PPP6R3: variants seen among roughly 807,000 people sequenced by gnomAD.
PPP6R3 encodes the protein protein phosphatase 6 regulatory subunit 3, also known as serine/threonine-protein phosphatase 6 regulatory subunit 3.
A neutral mutation model predicts 110.7 loss-of-function variants in PPP6R3; 38 were observed. The observed-to-expected ratio is 0.34, with a 90% confidence interval of 0.26 to 0.45. PPP6R3 has a LOEUF of 0.45. PPP6R3 is among the 20% of genes least tolerant of loss of function. The pLI is 1.00. For missense variants in PPP6R3, 870 were observed against 1,062.4 expected, an observed-to-expected ratio of 0.82 and a Z score of 2.52; for synonymous variants, 369 against 373.5, an observed-to-expected ratio of 0.99 and a Z score of 0.14.
rs182889691 is a variant in PPP6R3, at chr11:68,526,394, C to T, written c.-7+6743C>T. ...AGCTAGGACTACAGGTGTGCACCAC[C>T]ATGCCCGACTGATTTTTTGTACTTT... On this transcript the variant is annotated intron_variant, in intron 2 of 23. Transcript: ENST00000393800. Among the ~76,000 whole-genome samples the T allele has an allele frequency of 9.1e-3, 1,385 of 152,158 alleles. 17 individuals are homozygous for T. The highest frequency in any genetic ancestry group is 0.02 in the Middle Eastern group (6 of 294).
At chr11:68,472,339 C>A (rs931374504) in intron 1 of PPP6R3, among the ~76,000 whole-genome samples, 5 of 152,118 alleles carry the variant, frequency 3.3e-5, no homozygotes, top group African/African-American at 1.2e-4. Flanking sequence ...GTCTCATTTT[C>A]TTCTTTGTCC....
intron 1 of PPP6R3, among the ~76,000 whole-genome samples, chr11:68,513,436 TG>T (rs746237315): frequency 2.5e-4 from 38 of 152,152 alleles, no homozygotes; most frequent in Non-Finnish European, 4.7e-4. Flanking sequence ...AAGATAAAAA[TG>T]TTAAAGTTAA....
chr11:68,576,687 T>G (rs2099532932), intron 14 of PPP6R3, among the ~76,000 whole-genome samples: 1 of 152,238 alleles, frequency 6.6e-6, no homozygotes, highest in Non-Finnish European at 1.5e-5. Context: ...AGCATTTCCT[T>G]TTACAAGTAC....
chr11:68,466,183 T>G (rs917703234), intron 1 of PPP6R3, among the ~76,000 whole-genome samples: 3 of 152,358 alleles, frequency 2.0e-5, no homozygotes, highest in East Asian at 3.9e-4. Flanking sequence ...AGATTTTGTT[T>G]TGGCCTTTTG....
intron 13 of PPP6R3, 126 bp downstream of exon 13, chr11:68,574,350 T>C (rs927437690): frequency 3.0e-6 from 2 of 670,244 alleles, no homozygotes; most frequent in East Asian, 2.8e-5. Flanking sequence ...TGGCAAATTA[T>C]GTATTTGAAT....
At chr11:68,551,250 C>A in intron 6 of PPP6R3, 64 bp downstream of exon 6, 1 of 1,200,786 alleles carries the variant, frequency 8.3e-7, no homozygotes, top group Non-Finnish European at 1.2e-6. Flanking sequence ...GTTTATTGGG[C>A]ACAGAGCATA....
intron 8 of PPP6R3, among the ~76,000 whole-genome samples, chr11:68,559,657 A>T (rs1050034731): frequency 5.3e-5 from 8 of 152,192 alleles, no homozygotes; most frequent in African/African-American, 1.9e-4. Flanking sequence ...ATGGAAGGGC[A>T]GTGTGATGGC....
intron 11 of PPP6R3, among the ~76,000 whole-genome samples, chr11:68,570,488 A>C (rs538270555): frequency 6.6e-6 from 1 of 152,384 alleles, no homozygotes; most frequent in East Asian, 1.9e-4. Context: ...GATGGGAAAG[A>C]CAAATGACAC....
At chr11:68,527,033 G>C (rs2099202603) in intron 2 of PPP6R3, among the ~76,000 whole-genome samples, 1 of 152,116 alleles carries the variant, frequency 6.6e-6, no homozygotes. Context: ...GTTAGTACAG[G>C]GTGTATATAT....
rs73516848 is a variant in PPP6R3, at chr11:68,467,354, T to C, written c.-158+6527T>C. Among the ~76,000 whole-genome samples the C allele has an allele frequency of 9.2e-3, 1,408 of 152,328 alleles. 21 individuals are homozygous for C. The highest frequency in any genetic ancestry group is 0.032 in the African/African-American group (1,349 of 41,568). On this transcript the variant is annotated intron_variant, in intron 1 of 23. Transcript: ENST00000393800. ...TGATTTGAATTCCCCAGAGATTGAC[T>C]ACCGTGAAATCTGATGGCCCAAGAA...
At chr11:68,551,480 G>A (rs1389166490) in intron 6 of PPP6R3, among the ~76,000 whole-genome samples, 1 of 152,024 alleles carries the variant, frequency 6.6e-6, no homozygotes, top group Non-Finnish European at 1.5e-5. Context: ...CTTTGTTTAT[G>A]CTCCTTTTTA....
rs1273505302 is a variant in PPP6R3, at chr11:68,460,792, T to A, written c.-193T>A. On this transcript the variant is annotated 5_prime_UTR_variant, in exon 1 of 24. The change abolishes the stop of an existing upstream ORF in the 5' untranslated region. Transcript: ENST00000393800. Reference sequence around the variant, plus strand: ...GGTGTCGGTGAGCGCGTTTCCCGCCTGAGCGCAACTAGCGGCGGGTCGTGG... The same window carrying A: ...GGTGTCGGTGAGCGCGTTTCCCGCCAGAGCGCAACTAGCGGCGGGTCGTGG... The A allele has an allele frequency of 6.6e-6, 1 of 151,194 alleles. No individual in the cohort carries two copies. The highest frequency in any genetic ancestry group is 2.4e-5 in the African/African-American group (1 of 40,936). 9.4% of individuals were successfully genotyped at this position (151,194 alleles called of 1,614,324 possible).
At chr11:68,488,675 CTCA>C (rs1465348208) in intron 1 of PPP6R3, 1 of 152,454 alleles carries the variant, frequency 6.6e-6, no homozygotes, top group African/African-American at 2.4e-5. Context: ...CAGGCATGTT[CTCA>C]TCATGTAGAA....
chr11:68,517,993 T>A (rs2099145508), intron 1 of PPP6R3, among the ~76,000 whole-genome samples: 1 of 150,046 alleles, frequency 6.7e-6, no homozygotes, highest in Admixed American at 6.6e-5. Flanking sequence ...ACTGATGACA[T>A]AAGGAAAGAA....
chr11:68,550,557 G>A (rs1008751830), intron 5 of PPP6R3, among the ~76,000 whole-genome samples: 1 of 152,098 alleles, frequency 6.6e-6, no homozygotes, highest in Non-Finnish European at 1.5e-5. Flanking sequence ...AAAGGAGATG[G>A]CCATAGCTCT....
In PPP6R3 at chr11:68,567,183, T is replaced by C; in HGVS notation, c.1128+17T>C. The C allele has an allele frequency of 6.6e-7, 1 of 1,519,294 alleles. No homozygotes were observed. The highest frequency in any genetic ancestry group is 1.3e-5 in the South Asian group (1 of 77,658). 94.1% of individuals were successfully genotyped at this position (1,519,294 alleles called of 1,614,324 possible). Reference sequence around the variant, plus strand: ...GTCATATTGGTGAGATTTTCCCTGCTCACAGACATTTTAATTTGCCATTGA... The same window carrying C: ...GTCATATTGGTGAGATTTTCCCTGCCCACAGACATTTTAATTTGCCATTGA... On this transcript the variant is annotated intron_variant, in intron 10 of 23. Transcript: ENST00000393800.
chr11:68,530,115 A>C (rs1360255852), intron 2 of PPP6R3, among the ~76,000 whole-genome samples: 1 of 152,328 alleles, frequency 6.6e-6, no homozygotes, highest in African/African-American at 2.4e-5. Context: ...TAATGTCATT[A>C]GTTGTTTTTT....
At chr11:68,479,972 T>TTA (rs1474215862) in intron 1 of PPP6R3, among the ~76,000 whole-genome samples, 1 of 152,090 alleles carries the variant, frequency 6.6e-6, no homozygotes, top group Non-Finnish European at 1.5e-5. Context: ...GCTCAAGTGA[T>TTA]TATCCTGCCT....
At chr11:68,592,386 G>A (rs964277001) in intron 18 of PPP6R3, among the ~76,000 whole-genome samples, 1 of 152,054 alleles carries the variant, frequency 6.6e-6, no homozygotes, top group Non-Finnish European at 1.5e-5. Context: ...GTTTTCACGT[G>A]GCCTAGAATT....
Sources: allele counts gnomAD v4.1 joint callset (sites outside exome capture counted in the v4.1 genomes callset), GRCh38; gene constraint gnomAD v4.1.1; transcripts MANE v1.5; gene names NCBI Gene and HGNC (gene_info 2026-07-23, HGNC 2026-07-21).